Variants in NEAT1 observed in about 807,000 individuals in gnomAD.
NEAT1 encodes the protein MENepsilon/beta.
At chr11:65,445,509 A>G (rs1590677688) in exon 1 of NEAT1, 1 of 152,328 alleles carries the variant, frequency 6.6e-6, no homozygotes, top group Non-Finnish European at 1.5e-5. Flanking sequence ...TCACCTTCCC[A>G]TCTGTGAAAG....
At chr11:65,439,709 G>A (rs755455629) in exon 1 of NEAT1, 2 of 151,810 alleles carry the variant, frequency 1.3e-5, no homozygotes. Context: ...GGGAAAAAAT[G>A]ACTGGCTATA....
At chr11:65,436,777 C>A (rs1164815762) in exon 1 of NEAT1, 1 of 151,454 alleles carries the variant, frequency 6.6e-6, no homozygotes, top group African/African-American at 2.5e-5. Flanking sequence ...GTTGTTTCAG[C>A]AATTTTTACT....
chr11:65,440,315 A>G (rs1856701933), exon 1 of NEAT1: 1 of 151,936 alleles, frequency 6.6e-6, no homozygotes, highest in African/African-American at 2.4e-5. Flanking sequence ...CACAGAAATA[A>G]ATTAGAAGGC....
exon 1 of NEAT1, chr11:65,444,042 T>G (rs1856740522): frequency 5.6e-6 from 1 of 177,624 alleles, no homozygotes; most frequent in Non-Finnish European, 1.2e-5. Context: ...CCGTGAATGT[T>G]TCCTCTCTGC....
chr11:65,437,333 AC>A (rs1856671101), exon 1 of NEAT1: 1 of 150,048 alleles, frequency 6.7e-6, no homozygotes. Flanking sequence ...TTGTTGTTAA[AC>A]CCCATGTTTT....
chr11:65,444,543 A>C (rs1460912837), exon 1 of NEAT1: 2 of 495,110 alleles, frequency 4.0e-6, no homozygotes, highest in African/African-American at 3.9e-5. Context: ...CATGGCAGCC[A>C]GGACAGGACT....
chr11:65,444,263 C>CTGTG lies in NEAT1; in HGVS notation n.21522_21525dup, dbSNP rs66756887. On this transcript the variant is annotated non_coding_transcript_exon_variant, in exon 1 of 1. Coordinates refer to ENST00000501122, the Ensembl canonical transcript of NEAT1. Reference sequence around the variant, plus strand: ...CGGAGCCCACCTGGTAGTCCTCAGACTGTGTGTGTGTGTGTGTGTGTGTGT... The same window carrying CTGTG: ...CGGAGCCCACCTGGTAGTCCTCAGACTGTGTGTGTGTGTGTGTGTGTGTGTGTGT... 7.3e-3 allele frequency: 1,870 copies of CTGTG among 254,744 alleles called. 10 individuals carry two copies. Among genetic ancestry groups the CTGTG allele is most frequent in the Middle Eastern group, 8.2e-3 (9 of 1,100 alleles). 15.8% of individuals were successfully genotyped at this position (254,744 alleles called of 1,614,324 possible). A position where few individuals can be genotyped will look rare whatever the true frequency, so the allele number is the denominator to read the frequency against.
At chr11:65,440,592 CA>C (rs1457522625) in exon 1 of NEAT1, 1 of 151,736 alleles carries the variant, frequency 6.6e-6, no homozygotes, top group African/African-American at 2.4e-5. Flanking sequence ...ACTTGTAAAG[CA>C]AATAAGATTG....
chr11:65,443,270 A>C (rs757790530), exon 1 of NEAT1: 8 of 152,180 alleles, frequency 5.3e-5, no homozygotes, highest in Non-Finnish European at 1.2e-4. Context: ...CCCGACACTA[A>C]CGCCCCCGTC....
exon 1 of NEAT1, chr11:65,430,150 T>C (rs1727281358): frequency 6.6e-6 from 1 of 152,232 alleles, no homozygotes; most frequent in South Asian, 2.1e-4. Context: ...TGCGGGTAAA[T>C]GAATGTAGAT....
exon 1 of NEAT1, chr11:65,429,190 TG>T (rs2134893943): frequency 6.6e-6 from 1 of 152,306 alleles, no homozygotes; most frequent in African/African-American, 2.4e-5. Context: ...TCACGTCTGT[TG>T]TTATCTCTTT....
exon 1 of NEAT1, chr11:65,438,059 G>C (rs752145820): frequency 6.6e-6 from 1 of 152,148 alleles, no homozygotes; most frequent in Non-Finnish European, 1.5e-5. Flanking sequence ...CCGGAATGTC[G>C]GAGTGGAGTC....
At chr11:65,438,942 A>C (rs1856689951) in exon 1 of NEAT1, 1 of 152,118 alleles carries the variant, frequency 6.6e-6, no homozygotes, top group Admixed American at 6.6e-5. Context: ...GTAACTGTAT[A>C]TTTTTGAGGA....
chr11:65,438,206 C>T (rs1294432124), exon 1 of NEAT1: 1 of 152,166 alleles, frequency 6.6e-6, no homozygotes, highest in Non-Finnish European at 1.5e-5. Context: ...CCCCTGGCAG[C>T]CTTTTTCATG....
chr11:65,423,505 T>G (rs2134883985), exon 1 of NEAT1: 1 of 152,310 alleles, frequency 6.6e-6, no homozygotes, highest in Non-Finnish European at 1.5e-5. Context: ...AGGAGTGATG[T>G]GGAGTTAAGG....
exon 1 of NEAT1, chr11:65,431,766 T>C (rs1856615649): frequency 6.6e-6 from 1 of 152,182 alleles, no homozygotes; most frequent in Non-Finnish European, 1.5e-5. Flanking sequence ...GTTATTAGAG[T>C]TATCGTTGTT....
At chr11:65,445,087 A>G (rs1856754359) in exon 1 of NEAT1, 1 of 153,636 alleles carries the variant, frequency 6.5e-6, no homozygotes, top group South Asian at 1.9e-4. Flanking sequence ...GCCCTCACCT[A>G]TCCCACCCTA....
exon 1 of NEAT1, chr11:65,426,192 T>G (rs1856559891): frequency 6.6e-6 from 1 of 152,220 alleles, no homozygotes; most frequent in Non-Finnish European, 1.5e-5. Flanking sequence ...ATTTTAAAAA[T>G]CATGGTTATT....
chr11:65,425,952 G>A (rs1346771618), exon 1 of NEAT1: 1 of 152,088 alleles, frequency 6.6e-6, no homozygotes, highest in Non-Finnish European at 1.5e-5. Flanking sequence ...GAATGTTTGT[G>A]CTTTTTAAAT....
Sources: gnomAD v4.1 joint callset for allele counts on GRCh38, gnomAD v4.1.1 for gene constraint, MANE v1.5 for transcripts, NCBI Gene and HGNC (gene_info 2026-07-23, HGNC 2026-07-21) for gene names.